SLC25A30: variants seen among roughly 807,000 people sequenced by gnomAD.
The protein encoded by SLC25A30 is solute carrier family 25 member 30.
Under a neutral mutation model 42.7 loss-of-function variants are expected in SLC25A30, and 29 were observed. That is an observed-to-expected ratio of 0.68 (90% CI 0.51 to 0.93). The LOEUF (loss-of-function observed/expected upper bound fraction) is 0.93, where lower values mean the gene tolerates loss of function less well. Ranked by LOEUF, SLC25A30 falls within the 40% of genes least tolerant of loss-of-function variation. The probability of loss-of-function intolerance (pLI) is 0.00; values close to 1 mark genes in which losing one functional copy is unlikely to be tolerated. For missense variants in SLC25A30, 300 were observed against 359.7 expected (o/e 0.83, Z 1.34); for synonymous variants, 124 against 131.0 (o/e 0.95, Z 0.37).
At chr13:45,402,408 T>G (rs753798869) in intron 5 of SLC25A30, 38 bp from the exon 6 acceptor site, 1 of 1,535,388 alleles carries the variant, frequency 6.5e-7, no homozygotes, top group South Asian at 1.1e-5. Context: ...AGAAAGAAAC[T>G]ACCACAATCC....
Position 45,404,336 on chromosome 13 carries a change from A to G in SLC25A30, c.384T>C (p.Asp128=), listed in dbSNP as rs946783279. The G allele has an allele frequency of 6.2e-7, 1 of 1,611,102 alleles. No homozygotes were observed. Among genetic ancestry groups the G allele is most frequent in the Non-Finnish European group, 8.5e-7 (1 of 1,177,322 alleles). The change falls in exon 5 of 10, where the codon GAT becomes GAC. Residue 128 remains aspartate (D), a synonymous_variant. Coordinates refer to ENST00000519676, the MANE Select transcript of SLC25A30 (RefSeq NM_001010875.4). ...AGATAGCACAGCTTACTTTCAAAAC[A>G]TCAGTTGGATTAGCAATGGTTGAAG... ...VISSTIANPT[D]VLKIRMQAQS...
chr13:45,410,286 T>G (rs999307516), intron 2 of SLC25A30, among the ~76,000 whole-genome samples: 1 of 152,216 alleles, frequency 6.6e-6, no homozygotes, highest in Non-Finnish European at 1.5e-5. Context: ...ACCCTTGAGC[T>G]TCTCAAACCT....
intron 2 of SLC25A30, among the ~76,000 whole-genome samples, chr13:45,411,106 A>AT (rs111622457): frequency 0.093 from 13,531 of 144,782 alleles, 680 homozygotes; most frequent in Middle Eastern, 0.16. Context: ...CACCTGGCTA[A>AT]TTTTTTTTTT....
rs149299993 is a variant in SLC25A30 at position 45,401,677 on chromosome 13, A to C, written c.490-470T>G. ...CTTCTCCATAAGAATTTAAAAAAAAAAAAAGAGCAAAAGACCAAACAACAA... is the reference window on the plus strand; with the variant it reads ...CTTCTCCATAAGAATTTAAAAAAAACAAAAGAGCAAAAGACCAAACAACAA... On this transcript the variant is annotated intron_variant, in intron 6 of 9. Transcript: ENST00000519676. 3.2e-3 allele frequency among the ~76,000 whole-genome samples: 489 copies of C among 152,230 alleles called. 2 individuals are homozygous for C. Among genetic ancestry groups the C allele is most frequent in the African/African-American group, 0.011 (466 of 41,562 alleles).
chr13:45,428,125 T>C, the SLC25A30 span, among the ~76,000 whole-genome samples: 1 of 152,140 alleles, frequency 6.6e-6, no homozygotes, highest in Non-Finnish European at 1.5e-5. Context: ...TCTGTTGTAA[T>C]TGAGTTTTGC....
At chr13:45,424,038 T>A in the SLC25A30 span, among the ~76,000 whole-genome samples, 28 of 103,726 alleles carry the variant, frequency 2.7e-4, no homozygotes, top group African/African-American at 1.2e-3. Context: ...TATATTTATA[T>A]AAATATATAT....
the SLC25A30 span, among the ~76,000 whole-genome samples, chr13:45,425,371 A>C: frequency 2.2e-4 from 24 of 108,236 alleles, no homozygotes; most frequent in Admixed American, 3.1e-3. Context: ...TATGTATAAA[A>C]ATATATAAGT....
chr13:45,401,826 G>A (rs534933475), intron 6 of SLC25A30, among the ~76,000 whole-genome samples: 2 of 152,198 alleles, frequency 1.3e-5, no homozygotes, highest in South Asian at 2.1e-4. Flanking sequence ...TTGGGAGGCC[G>A]AGGCAGGCAG....
the SLC25A30 span, among the ~76,000 whole-genome samples, chr13:45,424,781 A>C: frequency 1.7e-5 from 1 of 59,898 alleles, no homozygotes; most frequent in Non-Finnish European, 3.1e-5. Flanking sequence ...TATATATATA[A>C]ATATATAAAA....
chr13:45,410,629 T>C (rs1046377481), intron 2 of SLC25A30, among the ~76,000 whole-genome samples: 4 of 151,966 alleles, frequency 2.6e-5, no homozygotes, highest in Non-Finnish European at 5.9e-5. Context: ...CTGGGCAACA[T>C]GGCAAAACTC....
chr13:45,414,970 C>T (rs1207416205), intron 1 of SLC25A30, among the ~76,000 whole-genome samples: 1 of 152,200 alleles, frequency 6.6e-6, no homozygotes, highest in Non-Finnish European at 1.5e-5. Flanking sequence ...TGGGCAGCAT[C>T]TCGGGGAAGG....
chr13:45,407,732 C>T (rs1157047767), intron 3 of SLC25A30, among the ~76,000 whole-genome samples: 1 of 152,150 alleles, frequency 6.6e-6, no homozygotes, highest in African/African-American at 2.4e-5. Context: ...AAACAGTCAT[C>T]TCTCCTCTTG....
the SLC25A30 span, among the ~76,000 whole-genome samples, chr13:45,424,004 A>T: frequency 1.2e-5 from 1 of 80,832 alleles, no homozygotes; most frequent in African/African-American, 4.7e-5. Context: ...TATATATAAA[A>T]ATATATATAA....
upstream of SLC25A30, among the ~76,000 whole-genome samples, chr13:45,419,552 C>T (rs1225066445): frequency 6.6e-6 from 1 of 151,040 alleles, no homozygotes; most frequent in Non-Finnish European, 1.5e-5. Context: ...CTCCCGACCT[C>T]AGGTGATCCG....
intron 3 of SLC25A30, among the ~76,000 whole-genome samples, chr13:45,408,161 C>T (rs1882690130): frequency 6.6e-6 from 1 of 152,140 alleles, no homozygotes; most frequent in Admixed American, 6.5e-5. Context: ...ATGATCCAGG[C>T]TGGGTCGAAC....
intron 3 of SLC25A30, among the ~76,000 whole-genome samples, chr13:45,408,033 C>G (rs138051533): frequency 6.6e-6 from 1 of 152,136 alleles, no homozygotes; most frequent in Non-Finnish European, 1.5e-5. Context: ...GTGATGTTTA[C>G]AATGTAAAGC....
At chr13:45,430,941 C>T in the SLC25A30 span, among the ~76,000 whole-genome samples, 5 of 152,230 alleles carry the variant, frequency 3.3e-5, no homozygotes, top group Admixed American at 2.0e-4. Context: ...TGCCTCAGGG[C>T]TCTATCATGA....
rs1881233738 is a variant in SLC25A30 at position 45,395,434 on chromosome 13, G to A, written c.*540C>T. On this transcript the variant is annotated 3_prime_UTR_variant, in exon 10 of 10. Transcript: ENST00000519676. ...CCAAAATAGGAAATGATAAAGCAGT[G>A]TGATATTCCTAGGATCCATTTCCTG... 8 of 987,552 alleles carry A rather than the reference G, an allele frequency of 8.1e-6. No individual in the cohort carries two copies. The highest frequency in any genetic ancestry group is 9.6e-6 in the Non-Finnish European group (8 of 831,208). 61.2% of individuals were successfully genotyped at this position (987,552 alleles called of 1,614,324 possible). A position where few individuals can be genotyped will look rare whatever the true frequency, so the allele number is the denominator to read the frequency against.
Position 45,395,788 on chromosome 13 carries a change from T to G in SLC25A30, c.*186A>C. 1 of 1,469,824 alleles carries G rather than the reference T, an allele frequency of 6.8e-7. No homozygotes were observed. Among genetic ancestry groups the G allele is most frequent in the Non-Finnish European group, 9.0e-7 (1 of 1,111,564 alleles). The allele number at this position is 1,469,824 out of a possible 1,614,324, so 91.0% of individuals were successfully genotyped here. ...AGTGTTTGGATGTTAGTTTATGCCA[T>G]TAAACGTTTGATGAAGAGCATCCAA... On this transcript the variant is annotated 3_prime_UTR_variant, in exon 10 of 10. Transcript: ENST00000519676.
Sources: gnomAD v4.1 joint callset for allele counts (sites outside exome capture counted in the v4.1 genomes callset) on GRCh38, gnomAD v4.1.1 for gene constraint, MANE v1.5 for transcripts, NCBI Gene and HGNC (gene_info 2026-07-23, HGNC 2026-07-21) for gene names.